The following PPM1H variants were observed in gnomAD, a reference collection of about 807,000 sequenced individuals.
The protein encoded by PPM1H is protein phosphatase, Mg2+/Mn2+ dependent 1H, also known as protein phosphatase 1H.
A neutral mutation model predicts 54.9 loss-of-function variants in PPM1H; 27 were observed. The ratio of observed to expected loss-of-function variants is 0.49; its 90% CI spans 0.36 to 0.68. The LOEUF (loss-of-function observed/expected upper bound fraction) is 0.68. Ranked by LOEUF, PPM1H falls within the 30% of genes least tolerant of loss-of-function variation. The pLI, the probability that PPM1H is intolerant of heterozygous loss-of-function variation, is 0.00. For synonymous variants in PPM1H, 305 were observed against 270.8 expected (o/e 1.13, Z -1.24); for missense variants, 596 against 667.8 (o/e 0.89, Z 1.19).
At chr12:62,867,926 G>A (rs1869842797) in intron 1 of PPM1H, among the ~76,000 whole-genome samples, 1 of 152,080 alleles carries the variant, frequency 6.6e-6, no homozygotes, top group Admixed American at 6.6e-5. Flanking sequence ...CACAGCAGCT[G>A]GTGTAAATGC....
chr12:62,910,370 A>G (rs1871418612), intron 1 of PPM1H, among the ~76,000 whole-genome samples: 1 of 152,196 alleles, frequency 6.6e-6, no homozygotes, highest in Non-Finnish European at 1.5e-5. Flanking sequence ...AGTTTGAATA[A>G]CCTAAAGATT....
rs146418476 is a variant in PPM1H at position 62,885,278 on chromosome 12, C to A, written c.245+49214G>T. On this transcript the variant is annotated intron_variant, in intron 1 of 9. Transcript: ENST00000228705. ...GACACAGCCAAACCATATCAGAGGG[C>A]CCTGTTTTCTTGTTGGCTATTGGTC... Among the ~76,000 whole-genome samples, 755 of 152,138 alleles carry A rather than the reference C, an allele frequency of 5.0e-3. 3 individuals carry two copies. The highest frequency in any genetic ancestry group is 7.0e-3 in the Non-Finnish European group (478 of 67,998).
At chr12:62,709,664 ACT>A (rs1404666110) in intron 6 of PPM1H, among the ~76,000 whole-genome samples, 2 of 152,076 alleles carry the variant, frequency 1.3e-5, no homozygotes, top group Non-Finnish European at 2.9e-5. Flanking sequence ...TTTTTGTATA[ACT>A]CTTATCTTTT....
intron 2 of PPM1H, among the ~76,000 whole-genome samples, chr12:62,825,650 A>G (rs903493926): frequency 6.6e-6 from 1 of 152,090 alleles, no homozygotes; most frequent in Non-Finnish European, 1.5e-5. Context: ...ACCAAACATC[A>G]TATGTTCTCA....
chr12:62,871,863 T>C (rs571104), intron 1 of PPM1H, among the ~76,000 whole-genome samples: 41,968 of 151,876 alleles, frequency 0.28, 8,663 homozygotes, highest in African/African-American at 0.59. Context: ...ATAAATCATA[T>C]CTCAATTAAA....
chr12:62,814,764 A>G (rs1164008749), intron 2 of PPM1H, among the ~76,000 whole-genome samples: 1 of 152,180 alleles, frequency 6.6e-6, no homozygotes, highest in East Asian at 1.9e-4. Flanking sequence ...GATTTTACAA[A>G]ATGTCCTGTA....
chr12:62,875,490 T>TGAA (rs1870128774), intron 1 of PPM1H, among the ~76,000 whole-genome samples: 1 of 152,140 alleles, frequency 6.6e-6, no homozygotes, highest in South Asian at 2.1e-4. Flanking sequence ...AAGACAAGAA[T>TGAA]GAACTGAGGA....
intron 9 of PPM1H, among the ~76,000 whole-genome samples, chr12:62,665,863 G>A (rs1338095964): frequency 6.6e-6 from 1 of 150,968 alleles, no homozygotes; most frequent in Non-Finnish European, 1.5e-5. Flanking sequence ...TCAGCCCCCT[G>A]AGTAGTTGGA....
intron 1 of PPM1H, among the ~76,000 whole-genome samples, chr12:62,893,256 G>A (rs1466345569): frequency 6.6e-6 from 1 of 152,116 alleles, no homozygotes; most frequent in African/African-American, 2.4e-5. Context: ...CAGACTCAGT[G>A]GCTTCAACAA....
chr12:62,791,668 C>T (rs1195214770), intron 3 of PPM1H, among the ~76,000 whole-genome samples: 2 of 152,146 alleles, frequency 1.3e-5, no homozygotes, highest in Non-Finnish European at 2.9e-5. Context: ...TGCCTGTAAT[C>T]CCAGCCCTTT....
chr12:62,753,962 C>T (rs1421533967), intron 4 of PPM1H, among the ~76,000 whole-genome samples: 1 of 152,136 alleles, frequency 6.6e-6, no homozygotes, highest in South Asian at 2.1e-4. Flanking sequence ...TATTATTTTC[C>T]CTCTCACATT....
intron 8 of PPM1H, among the ~76,000 whole-genome samples, chr12:62,683,090 G>A (rs2076032081): frequency 7.3e-6 from 1 of 136,572 alleles, no homozygotes; most frequent in Admixed American, 7.4e-5. Context: ...TATTATTTTT[G>A]TAGAGACAAG....
intron 1 of PPM1H, among the ~76,000 whole-genome samples, chr12:62,874,864 C>T (rs1002868501): frequency 6.6e-6 from 1 of 152,220 alleles, no homozygotes; most frequent in Non-Finnish European, 1.5e-5. Flanking sequence ...CATTTTCAGT[C>T]TCAATACCAA....
chr12:62,932,016 T>C, intron 1 of PPM1H, among the ~76,000 whole-genome samples: 1 of 151,284 alleles, frequency 6.6e-6, no homozygotes, highest in South Asian at 2.1e-4. Context: ...GAAAGCCAAA[T>C]ATCACCCAAA....
chr12:62,739,809 G>T (rs922609566), intron 4 of PPM1H, among the ~76,000 whole-genome samples: 3 of 152,108 alleles, frequency 2.0e-5, no homozygotes, highest in African/African-American at 7.3e-5. Context: ...GAAGAGAAAA[G>T]AACTAAAAGG....
intron 4 of PPM1H, among the ~76,000 whole-genome samples, chr12:62,765,732 C>A (rs2076538775): frequency 6.6e-6 from 1 of 152,206 alleles, no homozygotes; most frequent in African/African-American, 2.4e-5. Context: ...GAACAGGTGT[C>A]TGCCTGGGAT....
chr12:62,804,199 A>G (rs2076790277), intron 2 of PPM1H, among the ~76,000 whole-genome samples: 1 of 152,164 alleles, frequency 6.6e-6, no homozygotes. Flanking sequence ...AAGATTGTAT[A>G]AGAAAATAGC....
intron 2 of PPM1H, among the ~76,000 whole-genome samples, chr12:62,825,579 T>C (rs1490877765): frequency 1.3e-5 from 2 of 152,218 alleles, no homozygotes; most frequent in Admixed American, 6.5e-5. Flanking sequence ...TCATGTCCTT[T>C]GCAGGGACAT....
chr12:62,759,813 C>T (rs2076496987), intron 4 of PPM1H, among the ~76,000 whole-genome samples: 1 of 151,268 alleles, frequency 6.6e-6, no homozygotes, highest in African/African-American at 2.4e-5. Context: ...TCCTGGGGGG[C>T]AAGCACCTCC....
Sources: allele counts gnomAD v4.1 joint callset (sites outside exome capture counted in the v4.1 genomes callset), GRCh38; gene constraint gnomAD v4.1.1; transcripts MANE v1.5; gene names NCBI Gene and HGNC (gene_info 2026-07-23, HGNC 2026-07-21).